Variants in CNTNAP5 observed in about 807,000 individuals in gnomAD.
The protein encoded by CNTNAP5 is contactin associated protein family member 5.
Under a neutral mutation model 150.2 loss-of-function variants are expected in CNTNAP5, and 72 were observed. The ratio of observed to expected loss-of-function variants is 0.48; its 90% CI spans 0.40 to 0.58. The LOEUF (loss-of-function observed/expected upper bound fraction) is 0.58, where lower values mean the gene tolerates loss of function less well. Among genes scored for constraint, CNTNAP5 ranks in the 20% least tolerant of loss-of-function variants. The pLI, the probability that CNTNAP5 is intolerant of heterozygous loss-of-function variation, is 0.00. For synonymous variants in CNTNAP5, 672 were observed against 619.8 expected (o/e 1.08, Z -1.25); for missense variants, 1,636 against 1,626.2 (o/e 1.01, Z -0.10).
intron 1 of CNTNAP5, among the ~76,000 whole-genome samples, chr2:124,105,608 A>T (rs887833435): frequency 5.3e-5 from 8 of 152,084 alleles, no homozygotes; most frequent in Admixed American, 3.9e-4. Context: ...GATTTTTAAA[A>T]TTTTAACTGT....
intron 10 of CNTNAP5, among the ~76,000 whole-genome samples, chr2:124,557,744 C>G (rs539733492): frequency 6.6e-6 from 1 of 152,044 alleles, no homozygotes; most frequent in African/African-American, 2.4e-5. Context: ...AAGGTTTGCA[C>G]ATTAAATAAC....
At chr2:124,700,577 G>C (rs1393588873) in intron 13 of CNTNAP5, among the ~76,000 whole-genome samples, 1 of 151,984 alleles carries the variant, frequency 6.6e-6, no homozygotes, top group Non-Finnish European at 1.5e-5. Context: ...TCTCATTACT[G>C]TTTGATTTGC....
intron 3 of CNTNAP5, among the ~76,000 whole-genome samples, chr2:124,307,184 G>T (rs957946510): frequency 6.6e-6 from 1 of 152,032 alleles, no homozygotes; most frequent in African/African-American, 2.4e-5. Context: ...AGAATGATTG[G>T]GTTTTTGCTT....
intron 4 of CNTNAP5, 97 bp downstream of exon 4, chr2:124,417,687 T>C: frequency 8.2e-7 from 1 of 1,214,214 alleles, no homozygotes; most frequent in African/African-American, 1.5e-5. Flanking sequence ...ATCATCTTAT[T>C]TTAAAGTTGT....
intron 21 of CNTNAP5, among the ~76,000 whole-genome samples, chr2:124,882,902 C>T (rs1302678510): frequency 6.6e-6 from 1 of 151,892 alleles, no homozygotes; most frequent in Non-Finnish European, 1.5e-5. Flanking sequence ...ATAAAGCAAT[C>T]AGATCTCATG....
intron 3 of CNTNAP5, among the ~76,000 whole-genome samples, chr2:124,342,232 T>G (rs1241003975): frequency 6.6e-6 from 1 of 152,190 alleles, no homozygotes; most frequent in Non-Finnish European, 1.5e-5. Context: ...GCTGAAACTT[T>G]GTATGAAGAA....
intron 21 of CNTNAP5, among the ~76,000 whole-genome samples, chr2:124,885,340 G>T (rs1678055863): frequency 6.6e-6 from 1 of 151,956 alleles, no homozygotes; most frequent in Non-Finnish European, 1.5e-5. Context: ...CTTTACAGCA[G>T]TACTTGGATG....
intron 12 of CNTNAP5, among the ~76,000 whole-genome samples, chr2:124,638,499 T>G (rs1366993515): frequency 6.6e-6 from 1 of 152,216 alleles, no homozygotes; most frequent in Non-Finnish European, 1.5e-5. Context: ...ATCAATTTAA[T>G]GTACAGCTAG....
At chr2:124,622,588 C>G (rs1421600990) in intron 12 of CNTNAP5, among the ~76,000 whole-genome samples, 1 of 152,096 alleles carries the variant, frequency 6.6e-6, no homozygotes, top group African/African-American at 2.4e-5. Context: ...CTCCCACCGA[C>G]AGTGTAAAAG....
At position 124,864,523 on chromosome 2, in the gene CNTNAP5, T is replaced by C. The variant is rs1485183045; in HGVS notation, c.3218-783T>C. ...GAAGTGGCCATTTTGCATTGTGAGC[T>C]AATATTCTCTCTCTCTCTCTCTGTC... On this transcript the variant is annotated intron_variant, in intron 19 of 23. Transcript: ENST00000682447. 2.6e-5 allele frequency among the ~76,000 whole-genome samples: 4 copies of C among 151,304 alleles called. No homozygotes were observed. The East Asian group carries it at 7.8e-4, about 30-fold the overall frequency.
chr2:124,765,690 T>A (rs1216370653), intron 16 of CNTNAP5, among the ~76,000 whole-genome samples: 1 of 152,168 alleles, frequency 6.6e-6, no homozygotes, highest in Non-Finnish European at 1.5e-5. Flanking sequence ...GCGCAGTGGC[T>A]CACACCTGTA....
At chr2:124,242,416 A>G (rs1337315685) in intron 3 of CNTNAP5, 23 bp downstream of exon 3, 6 of 1,601,994 alleles carry the variant, frequency 3.7e-6, no homozygotes, top group South Asian at 1.1e-5. Flanking sequence ...TTTCCTTCCA[A>G]TGAATAAAAC....
chr2:124,052,446 G>A (rs746488839), intron 1 of CNTNAP5, among the ~76,000 whole-genome samples: 6 of 152,216 alleles, frequency 3.9e-5, no homozygotes, highest in Non-Finnish European at 7.3e-5. Flanking sequence ...CAGCCTGGAT[G>A]TTTACGTTAT....
chr2:124,489,981 G>A (rs1379267344), intron 7 of CNTNAP5, among the ~76,000 whole-genome samples: 1 of 152,136 alleles, frequency 6.6e-6, no homozygotes, highest in African/African-American at 2.4e-5. Context: ...ATCCAGTTGA[G>A]CACATTCTTG....
intron 19 of CNTNAP5, among the ~76,000 whole-genome samples, chr2:124,858,647 T>A (rs1026838513): frequency 2.6e-5 from 4 of 152,106 alleles, no homozygotes; most frequent in African/African-American, 9.7e-5. Context: ...AAGTAATGGG[T>A]TATAAGTTAG....
intron 1 of CNTNAP5, among the ~76,000 whole-genome samples, chr2:124,184,263 A>T (rs553112282): frequency 6.6e-6 from 1 of 152,166 alleles, no homozygotes; most frequent in Non-Finnish European, 1.5e-5. Flanking sequence ...CTGGAAATAC[A>T]AGTGAGAATT....
At chr2:124,085,034 G>C (rs1421128469) in intron 1 of CNTNAP5, among the ~76,000 whole-genome samples, 3 of 145,476 alleles carry the variant, frequency 2.1e-5, no homozygotes, top group African/African-American at 7.6e-5. Context: ...CAATTCTCCT[G>C]CCTCAGCCTC....
intron 18 of CNTNAP5, among the ~76,000 whole-genome samples, chr2:124,796,531 A>G (rs557068670): frequency 5.9e-5 from 9 of 152,354 alleles, no homozygotes; most frequent in African/African-American, 2.2e-4. Context: ...ATAAATGCAA[A>G]ACACTTTCTC....
intron 3 of CNTNAP5, among the ~76,000 whole-genome samples, chr2:124,360,074 T>C (rs1320525538): frequency 7.1e-6 from 1 of 140,154 alleles, no homozygotes; most frequent in African/African-American, 2.6e-5. Context: ...CTTCTTTGTC[T>C]CTTTTGATCT....
Sources: gnomAD v4.1 joint callset for allele counts (sites outside exome capture counted in the v4.1 genomes callset) on GRCh38, gnomAD v4.1.1 for gene constraint, MANE v1.5 for transcripts, NCBI Gene and HGNC (gene_info 2026-07-23, HGNC 2026-07-21) for gene names.